Variants in TARP observed in about 807,000 individuals in gnomAD.
chr7:38,261,658 G>A, the TARP span, among the ~76,000 whole-genome samples: 21 of 151,404 alleles, frequency 1.4e-4, no homozygotes, highest in African/African-American at 5.1e-4. Context: ...CAGATCACGA[G>A]GTCACAAATT....
the TARP span, chr7:38,262,178 A>C: frequency 6.2e-7 from 1 of 1,612,342 alleles, no homozygotes; most frequent in South Asian, 1.1e-5. Context: ...TACCATTTGC[A>C]TCTTTTGAAC....
chr7:38,266,866 C>T, the TARP span, among the ~76,000 whole-genome samples: 17 of 151,790 alleles, frequency 1.1e-4, no homozygotes, highest in South Asian at 1.5e-3. Context: ...CTTTCCAAAA[C>T]TCTTATTTAA....
the TARP span, among the ~76,000 whole-genome samples, chr7:38,262,378 G>T: frequency 4.0e-5 from 6 of 151,682 alleles, no homozygotes; most frequent in Admixed American, 3.3e-4. Flanking sequence ...TAATTAGGTA[G>T]ATCTAATTCA....
the TARP span, among the ~76,000 whole-genome samples, chr7:38,270,806 C>T: frequency 5.3e-5 from 8 of 149,990 alleles, no homozygotes; most frequent in Non-Finnish European, 1.2e-4. Context: ...TGGTAATATG[C>T]AGTGGGTTTT....
chr7:38,262,954 C>T, the TARP span, among the ~76,000 whole-genome samples: 6 of 150,648 alleles, frequency 4.0e-5, no homozygotes, highest in Admixed American at 2.7e-4. Context: ...CCACCACACT[C>T]GGCCAAGAAT....
the TARP span, among the ~76,000 whole-genome samples, chr7:38,261,644 G>A: frequency 2.6e-5 from 4 of 151,344 alleles, no homozygotes; most frequent in African/African-American, 9.7e-5. Context: ...GGAGGGCGAG[G>A]GGGCAGATCA....
chr7:38,260,413 GTTGA>G, the TARP span, among the ~76,000 whole-genome samples: 1 of 140,468 alleles, frequency 7.1e-6, no homozygotes, highest in African/African-American at 2.9e-5. Flanking sequence ...CAGCTTTCAA[GTTGA>G]TTAACAACCT....
the TARP span, among the ~76,000 whole-genome samples, chr7:38,264,722 G>C: frequency 2.6e-5 from 4 of 151,548 alleles, no homozygotes. Flanking sequence ...CTGATCACTA[G>C]AAAAATCAGA....
chr7:38,267,542 T>G, the TARP span, among the ~76,000 whole-genome samples: 1 of 150,932 alleles, frequency 6.6e-6, no homozygotes, highest in Non-Finnish European at 1.5e-5. Context: ...AAGCTTCTGA[T>G]TTTCATACAA....
At chr7:38,260,180 G>A in the TARP span, 105 of 1,601,320 alleles carry the variant, frequency 6.6e-5, no homozygotes, top group Non-Finnish European at 8.7e-5. Flanking sequence ...AGGAGCAGGA[G>A]GAGGTACATG....
the TARP span, chr7:38,262,362 T>C: frequency 1.5e-6 from 1 of 670,282 alleles, no homozygotes; most frequent in South Asian, 1.9e-5. Flanking sequence ...TTGGTCTAAT[T>C]CTGTGTAATT....
At chr7:38,265,192 T>TTGCCC in the TARP span, among the ~76,000 whole-genome samples, 3 of 151,104 alleles carry the variant, frequency 2.0e-5, no homozygotes, top group Admixed American at 2.0e-4. Context: ...CTATACCATT[T>TTGCCC]TAATTCTATA....
chr7:38,272,414 C>G, the TARP span, among the ~76,000 whole-genome samples: 254 of 146,382 alleles, frequency 1.7e-3, 2 homozygotes, highest in Admixed American at 4.2e-3. Context: ...CAACTTTGTT[C>G]TGGTATTGAA....
the TARP span, among the ~76,000 whole-genome samples, chr7:38,270,795 G>A: frequency 6.6e-6 from 1 of 150,964 alleles, no homozygotes; most frequent in African/African-American, 2.4e-5. Context: ...CACTGATGCA[G>A]TGGTAATATG....
At chr7:38,259,945 C>T in the TARP span, 10 of 806,242 alleles carry the variant, frequency 1.2e-5, no homozygotes, top group African/African-American at 9.1e-5. Flanking sequence ...GTTTGAAAAC[C>T]GTTATACAAT....
the TARP span, among the ~76,000 whole-genome samples, chr7:38,263,641 G>GT: frequency 0.026 from 3,104 of 117,134 alleles, no homozygotes; most frequent in African/African-American, 0.082. Context: ...TATCTGTGAT[G>GT]TTAAAAAAAA....
chr7:38,265,546 T>C, the TARP span: 4 of 1,612,256 alleles, frequency 2.5e-6, no homozygotes, highest in Non-Finnish European at 2.5e-6. Flanking sequence ...TTCTTGCCAA[T>C]GTATCTTAAT....
the TARP span, among the ~76,000 whole-genome samples, chr7:38,262,533 T>C: frequency 1.3e-5 from 2 of 151,830 alleles, no homozygotes; most frequent in Non-Finnish European, 2.9e-5. Context: ...CCACAAAGTA[T>C]GTTTTTGATA....
chr7:38,260,272 A>C, the TARP span: 1 of 1,132,418 alleles, frequency 8.8e-7, no homozygotes, highest in Non-Finnish European at 1.2e-6. Flanking sequence ...AATAAGATAC[A>C]TTAATGCGAG....
Sources: gnomAD v4.1 joint callset for allele counts (sites outside exome capture counted in the v4.1 genomes callset) on GRCh38, gnomAD v4.1.1 for gene constraint, MANE v1.5 for transcripts.